The following SCAND1 variants were observed in gnomAD, a reference collection of about 807,000 sequenced individuals.
SCAND1 encodes SCAN domain containing 1, also known as SCAN domain-containing protein 1.
SCAND1 carries 3 observed loss-of-function variants against 3.4 expected under a neutral mutation model. The ratio of observed to expected loss-of-function variants is 0.87; its 90% CI spans 0.40 to 2.25. The LOEUF (loss-of-function observed/expected upper bound fraction) is 2.25. Ranked by LOEUF, SCAND1 falls within the 30% of genes most tolerant of loss-of-function variation. The pLI, the probability that SCAND1 is intolerant of heterozygous loss-of-function variation, is 0.05. For missense variants in SCAND1, 303 were observed against 258.8 expected, an observed-to-expected ratio of 1.17 and a Z score of -1.17; for synonymous variants, 152 against 120.5, an observed-to-expected ratio of 1.26 and a Z score of -1.72.
upstream of SCAND1, among the ~76,000 whole-genome samples, chr20:35,957,126 G>C (rs6058377): frequency 1.2e-4 from 18 of 152,276 alleles, no homozygotes; most frequent in African/African-American, 4.1e-4. Context: ...TGAATTATTA[G>C]AGATAGGAGG....
At chr20:35,956,852 G>C (rs180926474), upstream of SCAND1, among the ~76,000 whole-genome samples, 4 of 152,302 alleles carry the variant, frequency 2.6e-5, no homozygotes, top group South Asian at 2.1e-4. Context: ...CCAGGTAGAA[G>C]GTACTGCCTG....
rs754957590 is a variant in SCAND1, at chr20:35,954,292, G to A, written c.-8C>T. ...CGGCTCCGTAGCCGCCATAACTCCA[G>A]CTCCGGGCGTCACTCTTTGTCCGGT... On this transcript the variant is annotated 5_prime_UTR_variant, in exon 2 of 2. Coordinates refer to ENST00000305978, the MANE Select transcript of SCAND1 (RefSeq NM_033630.3). The A allele has an allele frequency of 6.2e-7, 1 of 1,613,568 alleles. No individual in the cohort carries two copies. The highest frequency in any genetic ancestry group is 8.5e-7 in the Non-Finnish European group (1 of 1,179,912).
chr20:35,954,608 G>A, upstream of SCAND1: 1 of 1,372,706 alleles, frequency 7.3e-7, no homozygotes, highest in Non-Finnish European at 9.6e-7. Context: ...TCGCGGTGCG[G>A]GAGGGCGAGC....
chr20:35,954,357 G>A lies in SCAND1; in HGVS notation c.-55-18C>T. ...CACTGCGTCTGCGCGGGGGTGGGGT[G>A]AGCAGGGAGACGTTTCCGGTTAAAG... On this transcript the variant is annotated intron_variant, in intron 1 of 1. Transcript: ENST00000305978. 6.2e-7 allele frequency: 1 copy of A among 1,600,566 alleles called. No individual in the cohort carries two copies.
intron 1 of SCAND1, 37 bp downstream of exon 1, chr20:35,954,411 T>C (rs762818886): frequency 1.3e-4 from 197 of 1,553,540 alleles, no homozygotes; most frequent in Non-Finnish European, 1.5e-4. Flanking sequence ...CTTGAGGGAG[T>C]CGGACTCGGG....
chr20:35,959,198 A>G (rs2056286635), upstream of SCAND1: 1 of 152,236 alleles, frequency 6.6e-6, no homozygotes, highest in Admixed American at 6.5e-5. Flanking sequence ...GAACTGGTGC[A>G]GGGTTTGGCA....
At chr20:35,957,702 A>C (rs1181076195), upstream of SCAND1, 1 of 152,224 alleles carries the variant, frequency 6.6e-6, no homozygotes, top group East Asian at 1.9e-4. Flanking sequence ...TTTATATTTC[A>C]TTCTTTTGAA....
upstream of SCAND1, chr20:35,955,262 A>T (rs1278756726): frequency 2.0e-5 from 3 of 152,804 alleles, no homozygotes; most frequent in Non-Finnish European, 4.4e-5. Flanking sequence ...GGGACTTAGT[A>T]CGAAAAAACT....
chr20:35,956,050 G>C (rs1385072029), upstream of SCAND1, among the ~76,000 whole-genome samples: 2 of 152,190 alleles, frequency 1.3e-5, no homozygotes, highest in Non-Finnish European at 1.5e-5. Flanking sequence ...TCATTTTACA[G>C]AAGGGGAAAC....
chr20:35,958,064 G>C (rs2056273846), upstream of SCAND1, among the ~76,000 whole-genome samples: 1 of 152,212 alleles, frequency 6.6e-6, no homozygotes, highest in African/African-American at 2.4e-5. Flanking sequence ...GGTTGTTGAG[G>C]GTTGTGGAAA....
upstream of SCAND1, among the ~76,000 whole-genome samples, chr20:35,958,302 G>A (rs1422859831): frequency 6.6e-6 from 1 of 152,092 alleles, no homozygotes; most frequent in Non-Finnish European, 1.5e-5. Context: ...CATGGTGGCA[G>A]GTACCTGTAA....
In SCAND1 at chr20:35,954,481, C is replaced by T. The variant is rs901140881; in HGVS notation, c.-89G>A. 14 of 1,546,086 alleles carry T rather than the reference C, an allele frequency of 9.1e-6. No homozygotes were observed. The African/African-American group carries it at 1.8e-4, about 20-fold the overall frequency. ...GCGAAGCGCCTGCGGCAGCCGGAAGCGAAAGTCTCTGGCTTCTCTGCGTCC... is the reference window on the plus strand; with the variant it reads ...GCGAAGCGCCTGCGGCAGCCGGAAGTGAAAGTCTCTGGCTTCTCTGCGTCC... On this transcript the variant is annotated 5_prime_UTR_variant, in exon 1 of 2. Coordinates refer to ENST00000305978, the MANE Select transcript of SCAND1 (RefSeq NM_033630.3).
upstream of SCAND1, chr20:35,954,871 G>A (rs1247135248): frequency 2.0e-5 from 6 of 304,422 alleles, no homozygotes; most frequent in East Asian, 1.2e-4. Context: ...AGTGGCGCCC[G>A]GCCGGTGGTG....
upstream of SCAND1, among the ~76,000 whole-genome samples, chr20:35,956,425 G>A (rs2056257464): frequency 6.6e-6 from 1 of 152,216 alleles, no homozygotes; most frequent in Admixed American, 6.5e-5. Context: ...AGCTGACACT[G>A]AGTAGAGACG....
chr20:35,956,435 G>A (rs1372529274), upstream of SCAND1, among the ~76,000 whole-genome samples: 2 of 152,152 alleles, frequency 1.3e-5, no homozygotes, highest in African/African-American at 2.4e-5. Context: ...GAGTAGAGAC[G>A]ACTTCCTTTA....
upstream of SCAND1, among the ~76,000 whole-genome samples, chr20:35,956,200 T>C (rs1304825950): frequency 6.6e-6 from 1 of 152,184 alleles, no homozygotes; most frequent in African/African-American, 2.4e-5. Context: ...ACCCCTACCA[T>C]AGGATGTTTC....
At chr20:35,959,113 T>C (rs1304879130), upstream of SCAND1, 1 of 152,366 alleles carries the variant, frequency 6.6e-6, no homozygotes, top group African/African-American at 2.4e-5. Flanking sequence ...TAATCACTTA[T>C]CTTTCTGAGC....
At chr20:35,955,667 G>A (rs2147157566), upstream of SCAND1, among the ~76,000 whole-genome samples, 1 of 152,194 alleles carries the variant, frequency 6.6e-6, no homozygotes, top group East Asian at 1.9e-4. Context: ...CCTCTCAGAG[G>A]TAATTGAGAA....
chr20:35,954,889 C>G (rs1472563911), upstream of SCAND1: 1 of 275,748 alleles, frequency 3.6e-6, no homozygotes, highest in Non-Finnish European at 7.7e-6. Flanking sequence ...GTGACCCGAA[C>G]AGGAGAGCGG....
Sources: gnomAD v4.1 joint callset for allele counts (sites outside exome capture counted in the v4.1 genomes callset) on GRCh38, gnomAD v4.1.1 for gene constraint, MANE v1.5 for transcripts, NCBI Gene and HGNC (gene_info 2026-07-23, HGNC 2026-07-21) for gene names.